Variants in VAV3 observed in about 807,000 individuals in gnomAD.
VAV3 encodes the protein guanine nucleotide exchange factor VAV3.
A neutral mutation model predicts 131.2 loss-of-function variants in VAV3; 94 were observed. The ratio of observed to expected loss-of-function variants is 0.72; its 90% CI spans 0.61 to 0.85. VAV3 has a LOEUF of 0.85. Among genes scored for constraint, VAV3 ranks in the 40% least tolerant of loss-of-function variants. The pLI is 0.00. For missense variants in VAV3, 939 were observed against 1,002.7 expected, an observed-to-expected ratio of 0.94 and a Z score of 0.86; for synonymous variants, 349 against 342.0, an observed-to-expected ratio of 1.02 and a Z score of -0.22.
chr1:107,728,529 A>G (rs893543564), intron 15 of VAV3, among the ~76,000 whole-genome samples: 7 of 151,974 alleles, frequency 4.6e-5, no homozygotes, highest in African/African-American at 1.5e-4. Context: ...TGTGGTTCCA[A>G]TCGGGGATTC....
intron 21 of VAV3, among the ~76,000 whole-genome samples, chr1:107,616,627 C>G (rs2101209384): frequency 6.6e-6 from 1 of 152,234 alleles, no homozygotes; most frequent in Non-Finnish European, 1.5e-5. Flanking sequence ...ACAAAACCAA[C>G]AGAGTAACAG....
chr1:107,617,501 T>C, intron 21 of VAV3, 66 bp downstream of exon 21: 2 of 1,438,682 alleles, frequency 1.4e-6, no homozygotes, highest in South Asian at 2.6e-5. Context: ...TTGTAGATTT[T>C]TGCACAATTA....
chr1:107,715,367 T>C (rs1242329369), intron 15 of VAV3, among the ~76,000 whole-genome samples: 1 of 152,188 alleles, frequency 6.6e-6, no homozygotes, highest in Non-Finnish European at 1.5e-5. Context: ...GTGACAAACA[T>C]TTAGTGGAAA....
intron 19 of VAV3, chr1:107,668,561 T>C (rs1657569062): frequency 1.1e-6 from 1 of 897,472 alleles, no homozygotes; most frequent in African/African-American, 1.8e-5. Context: ...GATTGACATA[T>C]AAATCATACA....
intron 2 of VAV3, among the ~76,000 whole-genome samples, chr1:107,796,892 G>A (rs994139865): frequency 1.3e-5 from 2 of 151,250 alleles, no homozygotes; most frequent in Admixed American, 6.6e-5. Flanking sequence ...CCATATATCT[G>A]AATCATTTTG....
intron 1 of VAV3, among the ~76,000 whole-genome samples, chr1:107,941,395 G>A (rs894721087): frequency 2.6e-5 from 4 of 152,082 alleles, no homozygotes; most frequent in African/African-American, 9.7e-5. Flanking sequence ...ATTGCTTTGG[G>A]CTGTAAAAAC....
chr1:107,813,341 G>A (rs1471462492), intron 2 of VAV3, among the ~76,000 whole-genome samples: 1 of 152,144 alleles, frequency 6.6e-6, no homozygotes, highest in Non-Finnish European at 1.5e-5. Flanking sequence ...GACAGCATGA[G>A]CAAAGCAAAC....
chr1:107,872,342 C>A (rs1473625924), intron 2 of VAV3, among the ~76,000 whole-genome samples: 2 of 152,140 alleles, frequency 1.3e-5, no homozygotes, highest in African/African-American at 4.8e-5. Flanking sequence ...TTAATACATT[C>A]TTTGGCAAAA....
At chr1:107,770,126 A>G (rs1664955046) in intron 6 of VAV3, among the ~76,000 whole-genome samples, 1 of 152,054 alleles carries the variant, frequency 6.6e-6, no homozygotes, top group African/African-American at 2.4e-5. Flanking sequence ...GCTGCCCTTG[A>G]AGCACATGCT....
intron 15 of VAV3, among the ~76,000 whole-genome samples, chr1:107,735,064 T>C (rs563591942): frequency 1.4e-4 from 21 of 152,228 alleles, no homozygotes; most frequent in Middle Eastern, 6.8e-3. Flanking sequence ...CACACAGAAC[T>C]GCACAACTAC....
At chr1:107,840,642 A>C (rs954924424) in intron 2 of VAV3, among the ~76,000 whole-genome samples, 3 of 152,156 alleles carry the variant, frequency 2.0e-5, no homozygotes, top group African/African-American at 7.2e-5. Context: ...TGCCCTAAAG[A>C]AACGTAAAGG....
intron 25 of VAV3, among the ~76,000 whole-genome samples, chr1:107,575,779 T>C (rs1649603523): frequency 6.6e-6 from 1 of 152,218 alleles, no homozygotes; most frequent in Non-Finnish European, 1.5e-5. Context: ...AATTCTATGA[T>C]TTTTATTGGG....
At chr1:107,819,289 A>C (rs190727078) in intron 2 of VAV3, among the ~76,000 whole-genome samples, 3 of 152,300 alleles carry the variant, frequency 2.0e-5, no homozygotes, top group Non-Finnish European at 2.9e-5. Flanking sequence ...GGAGAGAAGA[A>C]ACAATCATGG....
At position 107,608,382 on chromosome 1, in the gene VAV3, T is replaced by A. The variant is rs543091354; in HGVS notation, c.2015+1549A>T. Among the ~76,000 whole-genome samples, 4 of 152,326 alleles carry A rather than the reference T, an allele frequency of 2.6e-5. No homozygotes were observed. In the South Asian group the frequency reaches 8.3e-4, roughly 32 times the overall value. ...AAATGGTATAAGAGAAGAAACCTAA[T>A]CATCACACTTTCAAGATTTTTAACA... On this transcript the variant is annotated intron_variant, in intron 22 of 26. Transcript: ENST00000370056.
chr1:107,686,160 T>C lies in VAV3; in HGVS notation c.1731+2221A>G, dbSNP rs944321555. 2.6e-5 allele frequency among the ~76,000 whole-genome samples: 4 copies of C among 152,156 alleles called. No individual in the cohort carries two copies. In the South Asian group the frequency reaches 6.2e-4, roughly 24 times the overall value. On this transcript the variant is annotated intron_variant, in intron 18 of 26. Transcript: ENST00000370056. Reference sequence around the variant, plus strand: ...AAAAGGGATTTAAAGTAGCTAAATATGTATGCAATGATAAACTTGCTTCTT... The same window carrying C: ...AAAAGGGATTTAAAGTAGCTAAATACGTATGCAATGATAAACTTGCTTCTT...
At chr1:107,848,306 C>A (rs570074957) in intron 2 of VAV3, among the ~76,000 whole-genome samples, 2 of 136,530 alleles carry the variant, frequency 1.5e-5, no homozygotes, top group Admixed American at 7.2e-5. Context: ...GAGCAAGACT[C>A]CGTCTCAAAA....
intron 15 of VAV3, among the ~76,000 whole-genome samples, chr1:107,746,307 CTCAACT>C (rs1230043027): frequency 6.6e-6 from 1 of 152,112 alleles, no homozygotes; most frequent in African/African-American, 2.4e-5. Flanking sequence ...TATAGAAGCC[CTCAACT>C]TCAACTCTGA....
chr1:107,797,197 G>A (rs140791594), intron 2 of VAV3, among the ~76,000 whole-genome samples: 1,697 of 152,250 alleles, frequency 0.011, 11 homozygotes, highest in South Asian at 0.03. Flanking sequence ...TAGTGTCAGA[G>A]AAATTACCCA....
intron 1 of VAV3, among the ~76,000 whole-genome samples, chr1:107,908,637 T>C (rs1189906056): frequency 6.6e-6 from 1 of 152,190 alleles, no homozygotes; most frequent in African/African-American, 2.4e-5. Context: ...AACTAAATTA[T>C]GCATACTTTT....
Sources: allele counts gnomAD v4.1 joint callset (sites outside exome capture counted in the v4.1 genomes callset), GRCh38; gene constraint gnomAD v4.1.1; transcripts MANE v1.5; gene names NCBI Gene and HGNC (gene_info 2026-07-23, HGNC 2026-07-21).